The following PRKAR1B variants were observed in gnomAD, a reference collection of about 807,000 sequenced individuals.
PRKAR1B encodes protein kinase cAMP-dependent type I regulatory subunit beta.
A neutral mutation model predicts 46.5 loss-of-function variants in PRKAR1B; 22 were observed. The ratio of observed to expected loss-of-function variants is 0.47; its 90% CI spans 0.34 to 0.68. The LOEUF is 0.68. Ranked by LOEUF, PRKAR1B falls within the 30% of genes least tolerant of loss-of-function variation. The probability of loss-of-function intolerance (pLI) is 0.01; values close to 1 mark genes in which losing one functional copy is unlikely to be tolerated. For synonymous variants in PRKAR1B, 259 were observed against 217.7 expected (o/e 1.19, Z -1.67); for missense variants, 445 against 535.6 (o/e 0.83, Z 1.67).
At position 589,690 on chromosome 7, in the gene PRKAR1B, C is replaced by A. The variant is rs147688077; in HGVS notation, c.709-5122G>T. Reference sequence around the variant, plus strand: ...TCGCACGGCCAGGCCCCACACTGTCCTGGAGACAACAAGGTCATCCCGAAC... The same window carrying A: ...TCGCACGGCCAGGCCCCACACTGTCATGGAGACAACAAGGTCATCCCGAAC... On this transcript the variant is annotated intron_variant, in intron 7 of 10. Transcript: ENST00000537384. Among the ~76,000 whole-genome samples the A allele has an allele frequency of 4.6e-3, 702 of 152,356 alleles. 3 individuals are homozygous for A. The highest frequency in any genetic ancestry group is 7.5e-3 in the Non-Finnish European group (512 of 68,026).
At chr7:612,367 T>C (rs1439907160) in intron 4 of PRKAR1B, among the ~76,000 whole-genome samples, 1 of 144,460 alleles carries the variant, frequency 6.9e-6, no homozygotes. Context: ...GACAGGTGGG[T>C]GGATGTACAA....
rs1781255272 is a variant in PRKAR1B, at chr7:596,134, G to C, written c.708+12C>G. ...GGGTGTTGGCCTTCTCTGTGCTTGGGCACCAACTCACCATAAGGATGCGCC... is the reference window on the plus strand; with the variant it reads ...GGGTGTTGGCCTTCTCTGTGCTTGGCCACCAACTCACCATAAGGATGCGCC... On this transcript the variant is annotated intron_variant, in intron 7 of 10. Coordinates refer to ENST00000537384, the MANE Select transcript of PRKAR1B (RefSeq NM_001164760.2). The C allele has an allele frequency of 1.2e-6, 2 of 1,609,352 alleles. No individual in the cohort carries two copies. The highest frequency in any genetic ancestry group is 1.7e-6 in the Non-Finnish European group (2 of 1,176,678).
At chr7:620,036 T>TTA (rs1554294058) in intron 4 of PRKAR1B, among the ~76,000 whole-genome samples, 1 of 148,314 alleles carries the variant, frequency 6.7e-6, no homozygotes, top group Non-Finnish European at 1.5e-5. Flanking sequence ...TTTTTTTTTT[T>TTA]AGAGATGGGG....
chr7:660,956 CT>C (rs1449287240), intron 4 of PRKAR1B, among the ~76,000 whole-genome samples: 14 of 101,030 alleles, frequency 1.4e-4, no homozygotes, highest in East Asian at 3.6e-4. Context: ...AATACTTACT[CT>C]TCCCCTCCAT....
At position 706,788 on chromosome 7, in the gene PRKAR1B, A is replaced by C. The variant is rs529010877; in HGVS notation, c.177+4541T>G. Among the ~76,000 whole-genome samples the C allele has an allele frequency of 1.8e-4, 27 of 152,312 alleles. No homozygotes were observed. The East Asian group carries it at 5.0e-3, about 28-fold the overall frequency. On this transcript the variant is annotated intron_variant, in intron 2 of 10. Coordinates refer to ENST00000537384, the MANE Select transcript of PRKAR1B (RefSeq NM_001164760.2). ...AGAAGAACTCACTCACGAAGGCCAG[A>C]GCACCAGAGGCCCAGCCCGGACGGC...
intron 2 of PRKAR1B, among the ~76,000 whole-genome samples, chr7:687,430 A>G (rs1330215229): frequency 1.3e-5 from 2 of 152,210 alleles, no homozygotes; most frequent in Admixed American, 1.3e-4. Flanking sequence ...AATTGGAACT[A>G]AGAACTTGGT....
intron 9 of PRKAR1B, among the ~76,000 whole-genome samples, chr7:568,493 C>T (rs148214754): frequency 0.019 from 2,962 of 152,354 alleles, 88 homozygotes; most frequent in African/African-American, 0.057. Context: ...TGGCCCGCCC[C>T]GGGCATGCGG....
intron 9 of PRKAR1B, among the ~76,000 whole-genome samples, chr7:573,924 C>A (rs1311261286): frequency 1.3e-5 from 2 of 152,234 alleles, no homozygotes; most frequent in African/African-American, 4.8e-5. Context: ...AGAATCCCCC[C>A]GCCGGGGTGC....
chr7:666,282 G>A lies in PRKAR1B; in HGVS notation c.440+10947C>T, dbSNP rs757801124. Among the ~76,000 whole-genome samples, 5 of 127,668 alleles carry A rather than the reference G, an allele frequency of 3.9e-5. No individual in the cohort carries two copies. Among genetic ancestry groups the A allele is most frequent in the Admixed American group, 1.4e-4 (2 of 13,936 alleles). 83.8% of individuals were successfully genotyped at this position (127,668 alleles called of 152,430 possible). A position where few individuals can be genotyped will look rare whatever the true frequency, so the allele number is the denominator to read the frequency against. ...CACATCAGAGAGCTCCGGAACATGC[G>A]GGGCTGCTTCCCTGGGACACACGCT... On this transcript the variant is annotated intron_variant, in intron 4 of 10. Transcript: ENST00000537384. This position sits in a 1 kb window ranked among gnomAD's most constrained non-coding sequence, Gnocchi z 4.9.
At chr7:570,203 G>GC (rs1779416520) in intron 9 of PRKAR1B, among the ~76,000 whole-genome samples, 1 of 152,212 alleles carries the variant, frequency 6.6e-6, no homozygotes, top group Non-Finnish European at 1.5e-5. Flanking sequence ...TCCCCCACAG[G>GC]CACATACTCC....
rs144096632 is a variant in PRKAR1B, at chr7:575,265, G to A, written c.891+3991C>T. Among the ~76,000 whole-genome samples the A allele has an allele frequency of 6.6e-3, 1,004 of 152,342 alleles. 7 individuals are homozygous for A. Among genetic ancestry groups the A allele is most frequent in the Middle Eastern group, 0.01 (3 of 294 alleles). On this transcript the variant is annotated intron_variant, in intron 9 of 10. Coordinates refer to ENST00000537384, the MANE Select transcript of PRKAR1B (RefSeq NM_001164760.2). ...CAGCTGTTGACACTGGGCATTCACG[G>A]CTGTGCTGGCTGAGGCTGGGGCTGC... is the stretch of plus-strand genomic sequence containing the variant.
At chr7:720,284 C>T (rs1781028840) in intron 1 of PRKAR1B, among the ~76,000 whole-genome samples, 1 of 152,136 alleles carries the variant, frequency 6.6e-6, no homozygotes, top group Non-Finnish European at 1.5e-5. Context: ...TCTTGAACTC[C>T]TGACCTCAGG....
intron 2 of PRKAR1B, among the ~76,000 whole-genome samples, chr7:682,729 C>T (rs180820497): frequency 1.3e-4 from 20 of 149,588 alleles, no homozygotes; most frequent in African/African-American, 4.5e-4. Flanking sequence ...GATGACAGAG[C>T]GAGACTCTGT....
chr7:551,366 G>C (rs2128417240), intron 10 of PRKAR1B, 23 bp downstream of exon 10: 1 of 1,549,398 alleles, frequency 6.5e-7, no homozygotes, highest in Non-Finnish European at 8.7e-7. Flanking sequence ...CCGTGCGAGG[G>C]AGGGGACGCC....
intron 1 of PRKAR1B, 99 bp downstream of exon 1, chr7:727,111 G>A: frequency 9.0e-7 from 1 of 1,108,634 alleles, no homozygotes; most frequent in South Asian, 4.1e-5. Context: ...CCCCGTGCCC[G>A]CGCGCCGCCC....
chr7:719,507 G>A (rs1032208510), intron 1 of PRKAR1B, among the ~76,000 whole-genome samples: 1 of 152,130 alleles, frequency 6.6e-6, no homozygotes, highest in East Asian at 1.9e-4. Context: ...GTAGCGACGA[G>A]GTGTCACTAT....
At chr7:596,562 G>C (rs958894007) in intron 6 of PRKAR1B, among the ~76,000 whole-genome samples, 6 of 152,240 alleles carry the variant, frequency 3.9e-5, no homozygotes, top group African/African-American at 1.4e-4. Context: ...CCAGCCGCCA[G>C]TGCCAATGAG....
At chr7:726,931 G>A (rs1239588226) in intron 1 of PRKAR1B, 2 of 1,341,778 alleles carry the variant, frequency 1.5e-6, no homozygotes. Context: ...CGCTTTCCAG[G>A]GCCCCTGGGC....
At chr7:706,666 C>A (rs762030776) in intron 2 of PRKAR1B, among the ~76,000 whole-genome samples, 49 of 149,518 alleles carry the variant, frequency 3.3e-4, no homozygotes, top group Non-Finnish European at 6.2e-4. Context: ...ACCTCGTGAT[C>A]CGCCCGCCTC....
Sources: gnomAD v4.1 joint callset for allele counts (sites outside exome capture counted in the v4.1 genomes callset) on GRCh38, gnomAD v4.1.1 for gene constraint, Gnocchi (gnomAD v3.1) non-coding constraint, MANE v1.5 for transcripts, NCBI Gene and HGNC (gene_info 2026-07-23, HGNC 2026-07-21) for gene names.